Variants in RAB38 observed in about 807,000 individuals in gnomAD.
The protein encoded by RAB38 is ras-related protein Rab-38.
A neutral mutation model predicts 18.4 loss-of-function variants in RAB38; 15 were observed. The observed-to-expected ratio is 0.82, with a 90% CI of 0.55 to 1.26. The LOEUF is 1.26. RAB38 is among the 50% of genes most tolerant of loss of function. The probability of loss-of-function intolerance (pLI) is 0.00; values close to 1 mark genes in which losing one functional copy is unlikely to be tolerated. For missense variants in RAB38, 294 were observed against 267.4 expected, an observed-to-expected ratio of 1.10 and a Z score of -0.69; for synonymous variants, 101 against 104.4, an observed-to-expected ratio of 0.97 and a Z score of 0.20.
chr11:88,040,114 C>G, the RAB38 span, among the ~76,000 whole-genome samples: 1 of 152,222 alleles, frequency 6.6e-6, no homozygotes, highest in Admixed American at 6.5e-5. Context: ...GAGAGACACT[C>G]TACAACCTTT....
rs1311247847 is a variant in RAB38 at position 88,174,832 on chromosome 11, T to C, written c.202+351A>G. On this transcript the variant is annotated intron_variant, in intron 1 of 2. Coordinates refer to ENST00000243662, the MANE Select transcript of RAB38 (RefSeq NM_022337.3). ...CTGCACGGAAGGACGTGCGTGACAC[T>C]GGGCTGCGTCATTGGCAGAACTGCC... 2.0e-5 allele frequency among the ~76,000 whole-genome samples: 3 copies of C among 152,198 alleles called. 1 individual carries two copies. The highest frequency in any genetic ancestry group is 4.1e-4 in the South Asian group (2 of 4,836).
chr11:87,824,792 GC>G, the RAB38 span, among the ~76,000 whole-genome samples: 1 of 152,114 alleles, frequency 6.6e-6, no homozygotes, highest in Non-Finnish European at 1.5e-5. Flanking sequence ...CTATGCAGAA[GC>G]CTAGAGACAC....
chr11:87,963,691 G>A, the RAB38 span, among the ~76,000 whole-genome samples: 1 of 149,280 alleles, frequency 6.7e-6, no homozygotes, highest in Non-Finnish European at 1.5e-5. Context: ...CTGTTGCCCA[G>A]GCTGGAGTGC....
At chr11:88,099,889 A>G in the RAB38 span, 29 of 151,934 alleles carry the variant, frequency 1.9e-4, no homozygotes, top group African/African-American at 6.0e-4. Flanking sequence ...ACAGTTCAAG[A>G]TGTCAAGGAT....
chr11:88,076,179 A>G, the RAB38 span, among the ~76,000 whole-genome samples: 4 of 151,924 alleles, frequency 2.6e-5, no homozygotes, highest in African/African-American at 9.7e-5. Context: ...ATTAAAGACT[A>G]CTACAAACAA....
chr11:87,862,825 AGT>A, the RAB38 span, among the ~76,000 whole-genome samples: 3 of 151,888 alleles, frequency 2.0e-5, no homozygotes, highest in Non-Finnish European at 4.4e-5. Context: ...CACTTACAAA[AGT>A]GTCTTGAACT....
At chr11:88,106,671 A>T in the RAB38 span, among the ~76,000 whole-genome samples, 1 of 152,116 alleles carries the variant, frequency 6.6e-6, no homozygotes, top group Admixed American at 6.6e-5. Flanking sequence ...ATGATATGGA[A>T]AATTTCAGAC....
the RAB38 span, among the ~76,000 whole-genome samples, chr11:87,954,180 G>A: frequency 6.6e-6 from 1 of 151,958 alleles, no homozygotes; most frequent in African/African-American, 2.4e-5. Flanking sequence ...TAGCATTGAT[G>A]ATTGCTAAAT....
At chr11:87,804,735 T>G in the RAB38 span, among the ~76,000 whole-genome samples, 2 of 152,180 alleles carry the variant, frequency 1.3e-5, 1 homozygote, top group Admixed American at 1.3e-4. Flanking sequence ...TGCTGTATAC[T>G]TCAAAGTTGA....
At chr11:87,837,313 C>T in the RAB38 span, among the ~76,000 whole-genome samples, 4 of 152,142 alleles carry the variant, frequency 2.6e-5, no homozygotes, top group Non-Finnish European at 5.9e-5. Flanking sequence ...CATGAGGGTA[C>T]ATCTGTATTC....
chr11:87,940,091 T>C, the RAB38 span, among the ~76,000 whole-genome samples: 3 of 151,410 alleles, frequency 2.0e-5, no homozygotes, highest in African/African-American at 4.9e-5. Context: ...ATAAATAATA[T>C]TGATAAATCT....
the RAB38 span, among the ~76,000 whole-genome samples, chr11:87,924,618 C>T: frequency 6.6e-6 from 1 of 151,994 alleles, no homozygotes; most frequent in African/African-American, 2.4e-5. Flanking sequence ...GAAAGTAAGC[C>T]TTTCTCTACT....
chr11:88,019,364 C>A, the RAB38 span, among the ~76,000 whole-genome samples: 1 of 152,094 alleles, frequency 6.6e-6, no homozygotes, highest in East Asian at 1.9e-4. Flanking sequence ...TCAGCTTTCT[C>A]TGTGAAATAC....
downstream of RAB38, among the ~76,000 whole-genome samples, chr11:88,112,793 A>AATAT (rs35551236): frequency 0.018 from 2,381 of 135,982 alleles, 42 homozygotes; most frequent in African/African-American, 0.049. Flanking sequence ...ACAACAACAA[A>AATAT]ATATATATAT....
the RAB38 span, among the ~76,000 whole-genome samples, chr11:87,878,204 CATATAT>C: frequency 3.1e-5 from 3 of 98,262 alleles, no homozygotes; most frequent in African/African-American, 1.4e-4. Flanking sequence ...ATGTGCTAAA[CATATAT>C]ATATATATAT....
the RAB38 span, among the ~76,000 whole-genome samples, chr11:87,844,716 T>G: frequency 9.9e-5 from 15 of 152,188 alleles, no homozygotes; most frequent in African/African-American, 3.4e-4. Flanking sequence ...AAGTCCGAAG[T>G]AATAGTTCAC....
chr11:87,976,295 C>T, the RAB38 span, among the ~76,000 whole-genome samples: 1 of 141,836 alleles, frequency 7.1e-6, no homozygotes, highest in African/African-American at 2.6e-5. Context: ...TATATACATA[C>T]ACACATATAT....
At chr11:87,873,293 G>T in the RAB38 span, among the ~76,000 whole-genome samples, 3 of 151,364 alleles carry the variant, frequency 2.0e-5, no homozygotes, top group African/African-American at 7.3e-5. Context: ...TTTAATATTT[G>T]TTTTCTTATT....
At chr11:88,008,799 A>C in the RAB38 span, among the ~76,000 whole-genome samples, 34 of 152,232 alleles carry the variant, frequency 2.2e-4, no homozygotes, top group African/African-American at 7.7e-4. Flanking sequence ...TCAGCCTCCC[A>C]AGTAGCTGGG....
Sources: gnomAD v4.1 joint callset for allele counts (sites outside exome capture counted in the v4.1 genomes callset) on GRCh38, gnomAD v4.1.1 for gene constraint, MANE v1.5 for transcripts, NCBI Gene and HGNC (gene_info 2026-07-23, HGNC 2026-07-21) for gene names.